XKR9: variants seen among roughly 807,000 people sequenced by gnomAD.
XKR9 encodes the protein XK related 9, also known as XK-related protein 9.
XKR9 carries 32 observed loss-of-function variants against 32.0 expected under a neutral mutation model. The ratio of observed to expected loss-of-function variants is 1.00; its 90% CI spans 0.76 to 1.34. XKR9 has a LOEUF of 1.34. XKR9 is among the 40% of genes most tolerant of loss of function. The pLI, the probability that XKR9 is intolerant of heterozygous loss-of-function variation, is 0.00. For synonymous variants in XKR9, 168 were observed against 143.4 expected, an observed-to-expected ratio of 1.17 and a Z score of -1.22; for missense variants, 546 against 429.7, an observed-to-expected ratio of 1.27 and a Z score of -2.39.
chr8:70,882,952 G>A, the XKR9 span, among the ~76,000 whole-genome samples: 2 of 149,342 alleles, frequency 1.3e-5, no homozygotes, highest in South Asian at 4.2e-4. Flanking sequence ...ACCTTCAGCA[G>A]CCATTGATCT....
intron 4 of XKR9, among the ~76,000 whole-genome samples, chr8:70,724,657 G>A (rs1806401172): frequency 6.6e-6 from 1 of 152,064 alleles, no homozygotes; most frequent in African/African-American, 2.4e-5. Flanking sequence ...GCACTTCATG[G>A]GTGAGGTGAC....
chr8:71,019,240 G>C, the XKR9 span, among the ~76,000 whole-genome samples: 1 of 152,052 alleles, frequency 6.6e-6, no homozygotes, highest in African/African-American at 2.4e-5. Flanking sequence ...AGAAACTTGA[G>C]GTCTGTAGAA....
chr8:70,994,856 C>T, the XKR9 span, among the ~76,000 whole-genome samples: 1 of 150,582 alleles, frequency 6.6e-6, no homozygotes. Flanking sequence ...AACAAAAGAA[C>T]AATAAATTTT....
chr8:71,055,670 A>C, the XKR9 span, among the ~76,000 whole-genome samples: 1 of 152,212 alleles, frequency 6.6e-6, no homozygotes, highest in Non-Finnish European at 1.5e-5. Context: ...CCCGACATTG[A>C]TGCATTTTCA....
the XKR9 span, among the ~76,000 whole-genome samples, chr8:71,019,971 A>G: frequency 6.6e-6 from 1 of 152,316 alleles, no homozygotes; most frequent in Non-Finnish European, 1.5e-5. Flanking sequence ...TAGGCAGGGT[A>G]CTATTTTTAT....
intron 2 of XKR9, among the ~76,000 whole-genome samples, chr8:70,743,912 G>T (rs1230550857): frequency 2.6e-5 from 4 of 151,876 alleles, no homozygotes; most frequent in Admixed American, 2.6e-4. Flanking sequence ...TTTTTGCTGT[G>T]AAGTGCTTTG....
At chr8:70,697,384 T>G (rs1426744501) in intron 3 of XKR9, among the ~76,000 whole-genome samples, 2 of 151,784 alleles carry the variant, frequency 1.3e-5, no homozygotes, top group Non-Finnish European at 2.9e-5. Context: ...TTGAGAGTTT[T>G]TAGCATGAAG....
At chr8:70,725,196 C>A (rs1289527842) in intron 4 of XKR9, among the ~76,000 whole-genome samples, 1 of 152,070 alleles carries the variant, frequency 6.6e-6, no homozygotes, top group Non-Finnish European at 1.5e-5. Context: ...CATGACATGT[C>A]GGAATTATGG....
the XKR9 span, among the ~76,000 whole-genome samples, chr8:70,893,480 T>C: frequency 6.6e-6 from 1 of 152,234 alleles, no homozygotes; most frequent in Non-Finnish European, 1.5e-5. Context: ...TCAAACTTTC[T>C]AGTGTGGCTT....
At chr8:70,912,423 A>G in the XKR9 span, among the ~76,000 whole-genome samples, 12,780 of 152,092 alleles carry the variant, frequency 0.084, 613 homozygotes, top group African/African-American at 0.098. Flanking sequence ...ACACAATAGG[A>G]GCATAAAATA....
chr8:70,876,056 A>G, the XKR9 span, among the ~76,000 whole-genome samples: 1 of 152,142 alleles, frequency 6.6e-6, no homozygotes, highest in Non-Finnish European at 1.5e-5. Context: ...AAAACATTGG[A>G]TTCTTAGAGT....
chr8:70,753,736 C>G (rs1341027590), intron 2 of XKR9, among the ~76,000 whole-genome samples: 1 of 151,828 alleles, frequency 6.6e-6, no homozygotes, highest in Non-Finnish European at 1.5e-5. Context: ...TAAAAACTCT[C>G]AATAAATTAG....
the XKR9 span, among the ~76,000 whole-genome samples, chr8:71,007,890 A>G: frequency 1.3e-5 from 2 of 152,146 alleles, no homozygotes; most frequent in African/African-American, 2.4e-5. Flanking sequence ...AAAAATGTGA[A>G]AATAAATAGA....
chr8:70,926,272 TG>T, the XKR9 span, among the ~76,000 whole-genome samples: 2 of 152,202 alleles, frequency 1.3e-5, no homozygotes, highest in South Asian at 4.1e-4. Context: ...TGTTTCACCA[TG>T]TTGGCCAGGC....
the XKR9 span, among the ~76,000 whole-genome samples, chr8:70,982,615 C>T: frequency 3.3e-5 from 5 of 152,172 alleles, no homozygotes; most frequent in Admixed American, 3.3e-4. Flanking sequence ...GACCATGAGC[C>T]TCCTCGTTGA....
the XKR9 span, among the ~76,000 whole-genome samples, chr8:71,006,337 T>A: frequency 6.6e-6 from 1 of 150,986 alleles, no homozygotes; most frequent in African/African-American, 2.5e-5. Flanking sequence ...AAAAAAGATT[T>A]TTTTTTTTAG....
At chr8:70,854,902 C>T in the XKR9 span, among the ~76,000 whole-genome samples, 3 of 152,142 alleles carry the variant, frequency 2.0e-5, no homozygotes, top group Admixed American at 1.3e-4. Context: ...GATACCAGTA[C>T]CATGCTGTTT....
the XKR9 span, among the ~76,000 whole-genome samples, chr8:70,884,829 C>A: frequency 6.6e-6 from 1 of 152,088 alleles, no homozygotes; most frequent in East Asian, 1.9e-4. Context: ...TCAATAAATT[C>A]TTCTCTTTTA....
chr8:70,679,817 G>T (rs1819014638), intron 2 of XKR9, among the ~76,000 whole-genome samples: 1 of 152,124 alleles, frequency 6.6e-6, no homozygotes, highest in Non-Finnish European at 1.5e-5. Flanking sequence ...AGTGATAGAA[G>T]AATTAAATTG....
Sources: gnomAD v4.1 joint callset for allele counts (sites outside exome capture counted in the v4.1 genomes callset) on GRCh38, gnomAD v4.1.1 for gene constraint, MANE v1.5 for transcripts, NCBI Gene and HGNC (gene_info 2026-07-23, HGNC 2026-07-21) for gene names.